Variants in GLMP observed in about 807,000 individuals in gnomAD.
GLMP encodes glycosylated lysosomal membrane protein.
A neutral mutation model predicts 39.2 loss-of-function variants in GLMP; 36 were observed. The observed-to-expected ratio is 0.92, with a 90% CI of 0.70 to 1.21. The LOEUF (loss-of-function observed/expected upper bound fraction) is 1.21, where lower values mean the gene tolerates loss of function less well. Among genes scored for constraint, GLMP ranks in the 50% most tolerant of loss-of-function variants. GLMP has a pLI of 0.00. For missense variants in GLMP, 454 were observed against 505.6 expected (o/e 0.90, Z 0.98); for synonymous variants, 220 against 218.9 (o/e 1.01, Z -0.04).
chr1:156,294,538 A>G lies in GLMP; in HGVS notation c.406T>C (p.Ser136Pro). The change falls in exon 3 of 6, where the codon TCC (serine) becomes CCC (proline). Residue 136 changes from serine (S) to proline (P), a missense_variant. Ser to Pro is a moderately conservative substitution (Grantham distance 74, BLOSUM62 -1). Coordinates refer to ENST00000362007, the MANE Select transcript of GLMP (RefSeq NM_144580.3). ...CCCAAAGGCTTTGCTGCCGTATCGG[A>G]CACGTTGGTGCTGTCAAACTCAAGC... is the stretch of plus-strand genomic sequence containing the variant. The part of the protein sequence containing the change: ...RLLEFDSTNV[S>P]DTAAKPLGRP... 1 of 1,614,006 alleles carries G rather than the reference A, an allele frequency of 6.2e-7. No individual in the cohort carries two copies. Among genetic ancestry groups the G allele is most frequent in the Admixed American group, 1.7e-5 (1 of 60,014 alleles).
At chr1:156,295,418 C>T in intron 1 of GLMP, 108 bp downstream of exon 1, 12 of 1,413,644 alleles carry the variant, frequency 8.5e-6, no homozygotes, top group Non-Finnish European at 1.1e-5. Flanking sequence ...GAAGAACCCT[C>T]CTCTTGGCAG....
rs1302916260 is a variant in GLMP, at chr1:156,293,454, A to T, written c.921T>A (p.Pro307=). Residue 307 remains proline, a synonymous_variant, in exon 5 of 6, where the codon CCT becomes CCA. Transcript: ENST00000362007. ...ALPCQASPLH[P]ALAYSLPQSP... Reference sequence around the variant, plus strand: ...ACTGGGGAAGAGAGTATGCTAAGGCAGGATGAAGAGGGGAAGCTTGGCAGG... The same window carrying T: ...ACTGGGGAAGAGAGTATGCTAAGGCTGGATGAAGAGGGGAAGCTTGGCAGG... 3 of 1,614,106 alleles carry T rather than the reference A, an allele frequency of 1.9e-6. No individual in the cohort carries two copies. The highest frequency in any genetic ancestry group is 2.5e-6 in the Non-Finnish European group (3 of 1,180,044).
rs1663443422 is a variant in GLMP at position 156,293,440 on chromosome 1, GA to G, written c.934del (p.Ser312LeufsTer23). 1 of 1,614,102 alleles carries G rather than the reference GA, an allele frequency of 6.2e-7. No homozygotes were observed. Among genetic ancestry groups the G allele is most frequent in the Admixed American group, 1.7e-5 (1 of 60,000 alleles). On this transcript the variant is annotated frameshift_variant, in exon 5 of 6. Coordinates refer to ENST00000362007, the MANE Select transcript of GLMP (RefSeq NM_144580.3). LOFTEE classifies it high-confidence loss of function. ...TCGGACAATGGGTGACTGGGGAAGA[GA>G]GTATGCTAAGGCAGGATGAAGAGGG... ...ASPLHPALAY[S>X]LPQSPIVRAF... is the part of the protein sequence containing the mutation.
Position 156,294,237 on chromosome 1 carries a change from C to G in GLMP, c.580-1G>C. On this transcript the variant is annotated splice_acceptor_variant, in intron 3 of 5. Transcript: ENST00000362007. LOFTEE classifies it high-confidence loss of function. The stretch of plus-strand genomic sequence containing the variant: ...GGCTGGACCTGGAAAAGGCCTGGAC[C>G]TAGGAAGGAAGAAGCATGGGAGGTG... The G allele has an allele frequency of 6.2e-7, 1 of 1,613,512 alleles. No individual in the cohort carries two copies. The highest frequency in any genetic ancestry group is 8.5e-7 in the Non-Finnish European group (1 of 1,179,512).
intron 1 of GLMP, 75 bp from the exon 2 acceptor site, chr1:156,295,091 AG>A (rs1011117186): frequency 2.4e-6 from 3 of 1,235,262 alleles, no homozygotes; most frequent in African/African-American, 3.0e-5. Flanking sequence ...GCTTGAGGGG[AG>A]GGGGGCTTGG....
At position 156,293,740 on chromosome 1, in the gene GLMP, G is replaced by C. The variant is rs774468509; in HGVS notation, c.799-164C>G. The stretch of plus-strand genomic sequence containing the variant: ...AAAAATGGGGAGTTCGACTGGGTGA[G>C]GACTGAGTTGTTTTCCAAACCTCCA... On this transcript the variant is annotated intron_variant, in intron 4 of 5. Coordinates refer to ENST00000362007, the MANE Select transcript of GLMP (RefSeq NM_144580.3). 1.2e-5 allele frequency: 19 copies of C among 1,545,708 alleles called. No individual in the cohort carries two copies. In the South Asian group the frequency reaches 2.2e-4, roughly 18 times the overall value.
chr1:156,293,046 A>G lies in GLMP; in HGVS notation c.1219T>C (p.Ter407GlnextTer96). The G allele has an allele frequency of 1.2e-6, 2 of 1,613,972 alleles. No homozygotes were observed. Among genetic ancestry groups the G allele is most frequent in the Non-Finnish European group, 1.7e-6 (2 of 1,179,964 alleles). ...KKYSEYQSIN[*>Q] is the part of the protein sequence containing the mutation. ...TCCTTCCCTCCAGAGAGCGGGCCTT[A>G]ATTTATGGACTGGTACTCTGAGTAC... Residue 407 changes from the stop codon to glutamine, a stop_lost, in exon 6 of 6, where the codon TAA becomes CAA. Transcript: ENST00000362007.
Position 156,292,855 on chromosome 1 carries a change from G to T in GLMP, c.*189C>A. ...GCCCTGTCCCCTGCCCGCCTCCAAAGTCCCCCAACAAAGTATGAAGGAAGC... is the reference window on the plus strand; with the variant it reads ...GCCCTGTCCCCTGCCCGCCTCCAAATTCCCCCAACAAAGTATGAAGGAAGC... On this transcript the variant is annotated 3_prime_UTR_variant, in exon 6 of 6. Transcript: ENST00000362007. 1 of 685,064 alleles carries T rather than the reference G, an allele frequency of 1.5e-6. No homozygotes were observed. Among genetic ancestry groups the T allele is most frequent in the Non-Finnish European group, 2.4e-6 (1 of 419,336 alleles). 42.4% of individuals were successfully genotyped at this position (685,064 alleles called of 1,614,324 possible). A position where few individuals can be genotyped will look rare whatever the true frequency, so the allele number is the denominator to read the frequency against.
At chr1:156,294,602 C>T in intron 2 of GLMP, 37 bp from the exon 3 acceptor site, 1 of 1,610,600 alleles carries the variant, frequency 6.2e-7, no homozygotes. Flanking sequence ...GGGCTTGCCT[C>T]AGTTTTTCTC....
chr1:156,294,749 A>G lies in GLMP; in HGVS notation c.378+10T>C, dbSNP rs1663534029. 1.3e-6 allele frequency: 2 copies of G among 1,544,328 alleles called. No individual in the cohort carries two copies. Among genetic ancestry groups the G allele is most frequent in the Non-Finnish European group, 1.7e-6 (2 of 1,144,312 alleles). On this transcript the variant is annotated intron_variant, in intron 2 of 5. Transcript: ENST00000362007. ...CACTCTTCTCCTTGGTTCTCTCCCA[A>G]CCTCCTCACCCTGGTAAAAACAAGG... is the stretch of plus-strand genomic sequence containing the variant.
At chr1:156,294,654 T>C (rs150363388) in intron 2 of GLMP, 89 bp from the exon 3 acceptor site, 1 of 1,586,404 alleles carries the variant, frequency 6.3e-7, no homozygotes, top group Non-Finnish European at 8.6e-7. Flanking sequence ...AAGGCTTTCA[T>C]ATCTGAGTCT....
At position 156,294,199 on chromosome 1, in the gene GLMP, G is replaced by C. The variant is rs766036657; in HGVS notation, c.617C>G (p.Pro206Arg). Reference protein sequence around the residue: ...AFSRSSRPAQPPRLLHTADTC... With the variant: ...AFSRSSRPAQRPRLLHTADTC... The stretch of plus-strand genomic sequence containing the variant: ...GTCTGCTGTGTGCAGGAGGCGAGGG[G>C]GTTGGGCTGGTCGGCTGGACCTGGA... Residue 206 changes from proline to arginine, a missense_variant, in exon 4 of 6, where the codon CCC becomes CGC. Coordinates refer to ENST00000362007, the MANE Select transcript of GLMP (RefSeq NM_144580.3). The C allele has an allele frequency of 6.2e-7, 1 of 1,613,954 alleles. No individual in the cohort carries two copies. Among genetic ancestry groups the C allele is most frequent in the African/African-American group, 1.3e-5 (1 of 74,954 alleles).
chr1:156,294,670 A>T, intron 2 of GLMP, 89 bp downstream of exon 2: 1 of 1,573,848 alleles, frequency 6.4e-7, no homozygotes, highest in Admixed American at 1.8e-5. Context: ...AGTCTATTTC[A>T]CCCACCCCCA....
At position 156,292,943 on chromosome 1, in the gene GLMP, G is replaced by A; in HGVS notation, c.*101C>T. 1 of 1,442,488 alleles carries A rather than the reference G, an allele frequency of 6.9e-7. No homozygotes were observed. The allele number at this position is 1,442,488 out of a possible 1,614,324, so 89.4% of individuals were successfully genotyped here. ...TGAGGTTCCACAGAAAAGCAAGATGGGGGAGTGAAGGGGCCGGCTGGAACT... is the reference window on the plus strand; with the variant it reads ...TGAGGTTCCACAGAAAAGCAAGATGAGGGAGTGAAGGGGCCGGCTGGAACT... On this transcript the variant is annotated 3_prime_UTR_variant, in exon 6 of 6. Transcript: ENST00000362007.
At position 156,293,367 on chromosome 1, in the gene GLMP, G is replaced by A. The variant is rs556033782; in HGVS notation, c.1008C>T (p.Phe336=). The A allele has an allele frequency of 1.7e-5, 27 of 1,614,160 alleles. No individual in the cohort carries two copies. The highest frequency in any genetic ancestry group is 1.3e-4 in the Admixed American group (8 of 60,022). Residue 336 remains phenylalanine, a synonymous_variant, in exon 5 of 6, where the codon TTC becomes TTT. Transcript: ENST00000362007. ...QNNFCAFNLT[F]GASTGPGYWD... Reference sequence around the variant, plus strand: ...AATAGCCAGGGCCTGTGGAAGCCCCGAACGTCAGATTGAAGGCACAGAAGT... The same window carrying A: ...AATAGCCAGGGCCTGTGGAAGCCCCAAACGTCAGATTGAAGGCACAGAAGT...
chr1:156,293,141 G>A lies in GLMP; in HGVS notation c.1124C>T (p.Ala375Val), dbSNP rs760249352. 3.1e-6 allele frequency: 5 copies of A among 1,613,994 alleles called. No homozygotes were observed. Among genetic ancestry groups the A allele is most frequent in the Non-Finnish European group, 4.2e-6 (5 of 1,180,028 alleles). The change falls in exon 6 of 6, where the codon GCA (alanine) becomes GTA (valine). Residue 375 changes from alanine (A) to valine (V), a missense_variant. By Grantham distance (64) the Ala-to-Val change is moderately conservative. Transcript: ENST00000362007. The part of the protein sequence containing the change: ...GLSPLVLGIM[A>V]VALGAPGLML... ...GAGCCCTGGGGCACCCAGGGCCACT[G>A]CCATGATGCCCAGGACTAGTGGGGA...
intron 1 of GLMP, chr1:156,295,304 T>C: frequency 7.4e-7 from 1 of 1,352,120 alleles, no homozygotes; most frequent in Non-Finnish European, 9.5e-7. Flanking sequence ...TGCCTGGACC[T>C]GGGTCACCCA....
intron 4 of GLMP, 49 bp from the exon 5 acceptor site, chr1:156,293,625 C>T (rs1384249105): frequency 8.7e-6 from 14 of 1,609,326 alleles, no homozygotes; most frequent in South Asian, 2.2e-5. Context: ...AACCTGTGCC[C>T]GACCCTCTTT....
In GLMP at chr1:156,294,838, A is replaced by G. The variant is rs199908205; in HGVS notation, c.299T>C (p.Leu100Pro). The G allele has an allele frequency of 1.2e-6, 2 of 1,605,242 alleles. No individual in the cohort carries two copies. The highest frequency in any genetic ancestry group is 1.7e-6 in the Non-Finnish European group (2 of 1,175,642). The change falls in exon 2 of 6, where the codon CTA (leucine) becomes CCA (proline). Residue 100 changes from leucine to proline, a missense_variant. By Grantham distance (98) the Leu-to-Pro change is moderately conservative. Transcript: ENST00000362007. ...CAGGCCCCCATCGGGCTCAGGGGAT[A>G]GCAGGAGGCTCCAGTTGACGCTCAG... ...STLSVNWSLL[L>P]SPEPDGGLMV...
Sources: gnomAD v4.1 joint callset for allele counts on GRCh38, gnomAD v4.1.1 for gene constraint, MANE v1.5 for transcripts, NCBI Gene and HGNC (gene_info 2026-07-23, HGNC 2026-07-21) for gene names.